OXR1: variants seen among roughly 807,000 people sequenced by gnomAD.
OXR1 encodes oxidation resistance protein 1.
In OXR1, 41 loss-of-function variants were observed where a neutral mutation model predicts 104.6. The observed-to-expected ratio is 0.39, with a 90% confidence interval of 0.31 to 0.51. The LOEUF (loss-of-function observed/expected upper bound fraction) is 0.51. OXR1 is among the 20% of genes least tolerant of loss of function. The pLI, the probability that OXR1 is intolerant of heterozygous loss-of-function variation, is 0.77. For missense variants in OXR1, 955 were observed against 1,031.9 expected (o/e 0.93, Z 1.02); for synonymous variants, 348 against 348.4 (o/e 1.00, Z 0.01).
chr8:106,622,452 A>AGC (rs1245563633), intron 3 of OXR1, among the ~76,000 whole-genome samples: 2 of 107,406 alleles, frequency 1.9e-5, no homozygotes, highest in East Asian at 2.9e-4. Context: ...GATCACCCCC[A>AGC]GCACACACAC....
At chr8:106,603,320 A>G (rs181691584) in intron 3 of OXR1, among the ~76,000 whole-genome samples, 16 of 152,354 alleles carry the variant, frequency 1.1e-4, no homozygotes, top group Admixed American at 7.8e-4. Context: ...GTCCTTATAT[A>G]CAAATCAGCT....
chr8:106,308,115 G>A (rs1453345873), intron 1 of OXR1, among the ~76,000 whole-genome samples: 1 of 152,070 alleles, frequency 6.6e-6, no homozygotes, highest in African/African-American at 2.4e-5. Flanking sequence ...CTGCAAGCTG[G>A]GGGCCCAGGA....
intron 2 of OXR1, among the ~76,000 whole-genome samples, chr8:106,422,411 AT>A (rs1218402339): frequency 1.3e-5 from 2 of 152,262 alleles, no homozygotes; most frequent in Non-Finnish European, 2.9e-5. Flanking sequence ...CTTTGTATCT[AT>A]TTTTGAGATA....
At chr8:106,700,033 G>A (rs1040497067) in intron 7 of OXR1, among the ~76,000 whole-genome samples, 1 of 152,042 alleles carries the variant, frequency 6.6e-6, no homozygotes, top group African/African-American at 2.4e-5. Context: ...TTCTTTTGCA[G>A]ATAGACTTTA....
chr8:106,601,818 T>C (rs949302726), intron 3 of OXR1, among the ~76,000 whole-genome samples: 1 of 152,176 alleles, frequency 6.6e-6, no homozygotes, highest in African/African-American at 2.4e-5. Context: ...AATTAAAGTG[T>C]TTGATCAGTT....
At chr8:106,356,636 A>T (rs181121586) in intron 1 of OXR1, among the ~76,000 whole-genome samples, 1 of 152,080 alleles carries the variant, frequency 6.6e-6, no homozygotes, top group Admixed American at 6.6e-5. Flanking sequence ...GGGGGATTTT[A>T]TGTGTATTTA....
intron 1 of OXR1, among the ~76,000 whole-genome samples, chr8:106,349,412 G>A (rs1167335635): frequency 1.3e-5 from 2 of 152,022 alleles, no homozygotes; most frequent in African/African-American, 4.8e-5. Flanking sequence ...CAAGACAAAA[G>A]ATAATAAGGA....
chr8:106,435,181 G>A (rs1271391219), intron 2 of OXR1, among the ~76,000 whole-genome samples: 2 of 152,168 alleles, frequency 1.3e-5, no homozygotes, highest in Non-Finnish European at 2.9e-5. Context: ...TGTGTTGGAG[G>A]AAGACAAAGG....
At chr8:106,495,161 T>C (rs1811334419) in intron 2 of OXR1, among the ~76,000 whole-genome samples, 1 of 151,626 alleles carries the variant, frequency 6.6e-6, no homozygotes, top group Admixed American at 6.6e-5. Flanking sequence ...TACATAGATA[T>C]ATAATATTTA....
At chr8:106,429,441 C>T (rs1014565097) in intron 2 of OXR1, among the ~76,000 whole-genome samples, 4 of 152,094 alleles carry the variant, frequency 2.6e-5, no homozygotes, top group Admixed American at 2.0e-4. Flanking sequence ...GGTTGGATCA[C>T]CTGAGGTCAG....
intron 1 of OXR1, among the ~76,000 whole-genome samples, chr8:106,285,652 G>C (rs564802411): frequency 1.3e-5 from 2 of 151,918 alleles, no homozygotes; most frequent in African/African-American, 4.8e-5. Context: ...AGCAGAAGAC[G>C]TAAGAAGTTG....
At chr8:106,534,640 C>T (rs1814345868) in intron 3 of OXR1, among the ~76,000 whole-genome samples, 1 of 152,152 alleles carries the variant, frequency 6.6e-6, no homozygotes. Context: ...TATTTTAGCT[C>T]TATCAGTCAT....
At chr8:106,735,594 G>T (rs989643971) in intron 11 of OXR1, among the ~76,000 whole-genome samples, 1 of 152,060 alleles carries the variant, frequency 6.6e-6, no homozygotes, top group Non-Finnish European at 1.5e-5. Flanking sequence ...TAGAAGGAAA[G>T]CAGAGAATTA....
At position 106,343,760 on chromosome 8, in the gene OXR1, T is replaced by C. The variant is rs530187758; in HGVS notation, c.-138-15716T>C. On this transcript the variant is annotated intron_variant, in intron 1 of 16. Coordinates refer to ENST00000517566, the MANE Select transcript of OXR1 (RefSeq NM_001198533.2). ...TGGACAGTAGGAAAGCGACTACTTA[T>C]AATGAAAGCATCTAATATGTATTTA... is the stretch of plus-strand genomic sequence containing the variant. Among the ~76,000 whole-genome samples, 529 of 152,354 alleles carry C rather than the reference T, an allele frequency of 3.5e-3. 4 individuals are homozygous for C. The highest frequency in any genetic ancestry group is 0.012 in the African/African-American group (500 of 41,578).
At chr8:106,710,324 G>A (rs1012844517) in intron 9 of OXR1, among the ~76,000 whole-genome samples, 2 of 151,676 alleles carry the variant, frequency 1.3e-5, no homozygotes, top group Admixed American at 6.6e-5. Context: ...ATATATGATT[G>A]CTTTAGTATG....
chr8:106,578,284 T>C (rs1297962218), intron 3 of OXR1, among the ~76,000 whole-genome samples: 1 of 152,190 alleles, frequency 6.6e-6, no homozygotes, highest in Non-Finnish European at 1.5e-5. Context: ...TGCTATTGCT[T>C]TCTTTGTGAT....
intron 7 of OXR1, 140 bp downstream of exon 7, chr8:106,693,017 T>G: frequency 1.9e-6 from 1 of 522,734 alleles, no homozygotes; most frequent in Non-Finnish European, 3.2e-6. Context: ...ATACTATTAT[T>G]TTGGGTTAGT....
intron 3 of OXR1, among the ~76,000 whole-genome samples, chr8:106,578,783 A>G (rs1265504745): frequency 6.6e-6 from 1 of 152,170 alleles, no homozygotes; most frequent in Non-Finnish European, 1.5e-5. Flanking sequence ...TAAATTCATT[A>G]CTTGGCAAAA....
intron 2 of OXR1, among the ~76,000 whole-genome samples, chr8:106,428,624 T>A (rs983612331): frequency 2.0e-5 from 3 of 150,964 alleles, no homozygotes; most frequent in Admixed American, 6.6e-5. Context: ...TTTTTTTTTT[T>A]AAACATCTAG....
Sources: gnomAD v4.1 joint callset for allele counts (sites outside exome capture counted in the v4.1 genomes callset) on GRCh38, gnomAD v4.1.1 for gene constraint, MANE v1.5 for transcripts, NCBI Gene and HGNC (gene_info 2026-07-23, HGNC 2026-07-21) for gene names.